Variants in DAP3 observed in about 807,000 individuals in gnomAD.
DAP3 encodes death associated protein 3.
In DAP3, 28 loss-of-function variants were observed where a neutral mutation model predicts 51.9. That is an observed-to-expected ratio of 0.54 (90% confidence interval 0.40 to 0.74). DAP3 has a LOEUF of 0.74. Among genes scored for constraint, DAP3 ranks in the 30% least tolerant of loss-of-function variants. The pLI is 0.00. For synonymous variants in DAP3, 170 were observed against 170.3 expected (o/e 1.00, Z 0.01); for missense variants, 458 against 483.5 (o/e 0.95, Z 0.49).
intron 11 of DAP3, among the ~76,000 whole-genome samples, chr1:155,735,167 G>C (rs1659639708): frequency 6.6e-6 from 1 of 151,506 alleles, no homozygotes; most frequent in East Asian, 1.9e-4. Context: ...TATAGTCCCA[G>C]ATACTCCGAA....
chr1:155,716,624 T>A (rs1013260839), intron 2 of DAP3, among the ~76,000 whole-genome samples: 2 of 149,882 alleles, frequency 1.3e-5, no homozygotes, highest in African/African-American at 4.9e-5. Context: ...CAGACATGGC[T>A]CACCTTCTCA....
At position 155,693,251 on chromosome 1, in the gene DAP3, C is replaced by T. The variant is rs145765543; in HGVS notation, c.-8+4077C>T. Among the ~76,000 whole-genome samples, 584 of 141,636 alleles carry T rather than the reference C, an allele frequency of 4.1e-3. 20 individuals are homozygous for T. Among genetic ancestry groups the T allele is most frequent in the Non-Finnish European group, 5.8e-3 (392 of 68,014 alleles). 92.9% of individuals were successfully genotyped at this position (141,636 alleles called of 152,430 possible). On this transcript the variant is annotated intron_variant, in intron 1 of 12. Coordinates refer to ENST00000368336, the MANE Select transcript of DAP3 (RefSeq NM_004632.4). ...GAATTAGGTCGAATATCAATATTTC[C>T]GACCATCAACATAAAAGGAGGCTTG... is the stretch of plus-strand genomic sequence containing the variant.
At chr1:155,732,212 T>G (rs1003196247) in intron 11 of DAP3, 179 bp downstream of exon 11, 4 of 462,950 alleles carry the variant, frequency 8.6e-6, no homozygotes, top group Non-Finnish European at 1.5e-5. Context: ...TCCGTCTCCG[T>G]CTTTCTCCAG....
rs139768145 is a variant in DAP3, at chr1:155,713,107, T to A, written c.45+3283T>A. On this transcript the variant is annotated intron_variant, in intron 2 of 12. Coordinates refer to ENST00000368336, the MANE Select transcript of DAP3 (RefSeq NM_004632.4). ...AAGTCTGGATGGAGGGACAAAAGTT[T>A]ACCTTCTTGGGATACATCGCAACAT... Among the ~76,000 whole-genome samples, 377 of 152,354 alleles carry A rather than the reference T, an allele frequency of 2.5e-3. 12 individuals carry two copies. The East Asian group carries it at 0.062, about 25-fold the overall frequency.
chr1:155,711,497 GAA>G (rs944459796), intron 2 of DAP3, among the ~76,000 whole-genome samples: 1 of 141,616 alleles, frequency 7.1e-6, no homozygotes, highest in African/African-American at 2.6e-5. Flanking sequence ...CATCTCAAAA[GAA>G]AAAAAAAAAT....
chr1:155,688,219 G>A (rs749316663), upstream of DAP3: 4 of 1,613,392 alleles, frequency 2.5e-6, no homozygotes, highest in African/African-American at 5.3e-5. Context: ...AAATGCGAGA[G>A]AGGAGAAGGG....
upstream of DAP3, chr1:155,688,554 A>C (rs941974670): frequency 5.0e-5 from 77 of 1,539,406 alleles, no homozygotes; most frequent in Middle Eastern, 1.5e-3. Flanking sequence ...CCGTCCTGCG[A>C]GCCAGCCATC....
At chr1:155,688,226 AG>A (rs1347007278), upstream of DAP3, 1 of 1,613,234 alleles carries the variant, frequency 6.2e-7, no homozygotes, top group African/African-American at 1.3e-5. Flanking sequence ...AGAGAGGAGA[AG>A]GGAAAGGTGG....
chr1:155,724,673 T>C (rs949038819), intron 4 of DAP3, among the ~76,000 whole-genome samples: 5 of 151,690 alleles, frequency 3.3e-5, no homozygotes, highest in African/African-American at 1.2e-4. Context: ...AAATAAATTT[T>C]AGGCCAGGTG....
chr1:155,721,489 TA>T, intron 3 of DAP3, 27 bp from the exon 4 acceptor site: 1 of 1,611,752 alleles, frequency 6.2e-7, no homozygotes, highest in Non-Finnish European at 8.5e-7. Flanking sequence ...TTGTCACCAT[TA>T]TACCTGTTTG....
chr1:155,725,541 CAAAT>C, intron 5 of DAP3, 51 bp downstream of exon 5: 1 of 1,497,952 alleles, frequency 6.7e-7, no homozygotes, highest in Non-Finnish European at 9.3e-7. Flanking sequence ...TTTCTCCCCT[CAAAT>C]AAGGCAACAG....
Position 155,738,145 on chromosome 1 carries a change from T to G in DAP3, c.1112-12T>G. 1.9e-6 allele frequency: 3 copies of G among 1,614,150 alleles called. No individual in the cohort carries two copies. Among genetic ancestry groups the G allele is most frequent in the Non-Finnish European group, 2.5e-6 (3 of 1,180,000 alleles). On this transcript the variant is annotated splice_polypyrimidine_tract_variant and intron_variant, in intron 12 of 12. Transcript: ENST00000368336. ...GGAAACTGCCACTTACCTGTGTTTGTCTCCATTTTAGCTCCTACAGAAGAA... is the reference window on the plus strand; with the variant it reads ...GGAAACTGCCACTTACCTGTGTTTGGCTCCATTTTAGCTCCTACAGAAGAA...
rs984188710 is a variant in DAP3 at position 155,724,396 on chromosome 1, G to A, written c.271-986G>A. ...CACGCCTATAATCCCAGCACCTTGGGAGGCTGAGACGGGTGGATCATGAGG... is the reference window on the plus strand; with the variant it reads ...CACGCCTATAATCCCAGCACCTTGGAAGGCTGAGACGGGTGGATCATGAGG... On this transcript the variant is annotated intron_variant, in intron 4 of 12. Coordinates refer to ENST00000368336, the MANE Select transcript of DAP3 (RefSeq NM_004632.4). 2.6e-5 allele frequency among the ~76,000 whole-genome samples: 4 copies of A among 152,088 alleles called. No homozygotes were observed. In the East Asian group the frequency reaches 7.7e-4, roughly 29 times the overall value.
intron 3 of DAP3, among the ~76,000 whole-genome samples, 173 bp from the exon 4 acceptor site, chr1:155,721,338 TAATATA>T (rs1314709647): frequency 6.8e-6 from 1 of 147,348 alleles, no homozygotes; most frequent in Non-Finnish European, 1.5e-5. Context: ...ATTTTAAAAA[TAATATA>T]TATATATGTA....
intron 4 of DAP3, chr1:155,721,922 A>G: frequency 2.0e-6 from 1 of 489,602 alleles, no homozygotes; most frequent in African/African-American, 1.9e-5. Context: ...ATGCTGCACA[A>G]AAGCAAAATC....
chr1:155,705,693 ATTATTTAT>A (rs889588583), intron 1 of DAP3, among the ~76,000 whole-genome samples: 1 of 150,700 alleles, frequency 6.6e-6, no homozygotes, highest in African/African-American at 2.4e-5. Flanking sequence ...ATTTTTAAAT[ATTATTTAT>A]TTATTTATTT....
At chr1:155,731,326 ATCTCT>A (rs1466079495) in intron 9 of DAP3, 25 bp from the exon 10 acceptor site, 23 of 1,606,332 alleles carry the variant, frequency 1.4e-5, no homozygotes, top group Non-Finnish European at 1.9e-5. Flanking sequence ...GCACGTGATG[ATCTCT>A]TCTCTCTTTC....
intron 9 of DAP3, 114 bp downstream of exon 9, chr1:155,729,480 T>A: frequency 7.2e-7 from 1 of 1,394,688 alleles, no homozygotes; most frequent in South Asian, 1.4e-5. Context: ...TAGGAATATT[T>A]GAAGATAAAC....
At chr1:155,689,239 A>C in intron 1 of DAP3, 65 bp downstream of exon 1, 2 of 683,530 alleles carry the variant, frequency 2.9e-6, no homozygotes, top group East Asian at 5.6e-5. Flanking sequence ...CCGGACCTCC[A>C]GGAGGTAGGG....
Sources: allele counts gnomAD v4.1 joint callset (sites outside exome capture counted in the v4.1 genomes callset), GRCh38; gene constraint gnomAD v4.1.1; transcripts MANE v1.5; gene names NCBI Gene and HGNC (gene_info 2026-07-23, HGNC 2026-07-21).